RPS6KA3: variants seen among roughly 807,000 people sequenced by gnomAD.
RPS6KA3 encodes the protein ribosomal protein S6 kinase A3.
RPS6KA3 carries 4 observed loss-of-function variants against 67.2 expected under a neutral mutation model. The observed-to-expected ratio is 0.06, with a 90% CI of 0.03 to 0.14. The LOEUF is 0.14. Ranked by LOEUF, RPS6KA3 falls within the 10% of genes least tolerant of loss-of-function variation. The pLI is 1.00. For synonymous variants in RPS6KA3, 182 were observed against 183.7 expected (o/e 0.99, Z 0.07); for missense variants, 204 against 559.0 (o/e 0.36, Z 6.40).
chrX:20,237,041 T>G (rs1468975802), intron 1 of RPS6KA3, among the ~76,000 whole-genome samples: 1 of 111,817 alleles, frequency 8.9e-6, no homozygotes, highest in African/African-American at 3.2e-5. Flanking sequence ...AAATGAAGAT[T>G]GAAAAGTCTT....
At chrX:20,236,028 T>C (rs1244464023) in intron 1 of RPS6KA3, among the ~76,000 whole-genome samples, 4 of 111,239 alleles carry the variant, frequency 3.6e-5, no homozygotes, top group Admixed American at 9.6e-5. Flanking sequence ...AGAAAGACAG[T>C]CACATGTAAG....
At position 20,209,370 on chromosome X, in the gene RPS6KA3, T is replaced by C; in HGVS notation, c.161A>G (p.His54Arg). The change falls in exon 3 of 22, where the codon CAT (histidine) becomes CGT (arginine). Residue 54 changes from histidine to arginine, a missense_variant. By Grantham distance (29) the His-to-Arg change is conservative. Coordinates refer to ENST00000379565, the MANE Select transcript of RPS6KA3 (RefSeq NM_004586.3). ...CTTTTCATGTCCTTCCTTTACATGA[T>C]GTGTGATTGCAATTTCTTTGATACT... ...EVSIKEIAIT[H>R]HVKEGHEKAD... is the part of the protein sequence containing the mutation. The C allele has an allele frequency of 8.4e-7, 1 of 1,192,774 alleles. No individual in the cohort carries two copies. Among genetic ancestry groups the C allele is most frequent in the Non-Finnish European group, 1.1e-6 (1 of 878,296 alleles).
intron 4 of RPS6KA3, among the ~76,000 whole-genome samples, chrX:20,203,083 C>T (rs755993708): frequency 2.2e-4 from 25 of 111,313 alleles, no homozygotes; most frequent in African/African-American, 7.9e-4. Flanking sequence ...AATAAATGAT[C>T]ATTGCAAATA....
At chrX:20,231,967 T>C (rs1209655259) in intron 2 of RPS6KA3, among the ~76,000 whole-genome samples, 1 of 111,445 alleles carries the variant, frequency 9.0e-6, no homozygotes, top group East Asian at 2.8e-4. Context: ...AGGAAACTGA[T>C]ACAAGGGGTA....
intron 10 of RPS6KA3, among the ~76,000 whole-genome samples, chrX:20,183,268 CA>C (rs979229782): frequency 4.5e-5 from 5 of 110,706 alleles, no homozygotes; most frequent in African/African-American, 1.6e-4. Flanking sequence ...AGTGCAGTGG[CA>C]TGATCATGGC....
At chrX:20,164,411 G>C (rs1339489013) in intron 18 of RPS6KA3, among the ~76,000 whole-genome samples, 1 of 104,898 alleles carries the variant, frequency 9.5e-6, no homozygotes, top group African/African-American at 3.5e-5. Context: ...TTTTGAGAGG[G>C]GTTCTTGCTT....
chrX:20,175,583 C>T (rs927122268), intron 13 of RPS6KA3, among the ~76,000 whole-genome samples: 2 of 111,676 alleles, frequency 1.8e-5, no homozygotes, highest in Non-Finnish European at 1.9e-5. Flanking sequence ...TAATGCTGTC[C>T]CATGGAATTT....
At position 20,239,064 on chromosome X, in the gene RPS6KA3, T is replaced by C. The variant is rs370149633; in HGVS notation, c.70-4250A>G. ...TAAAAAACAAGTGGGAAAAAATGTG[T>C]TCTAAAGCTGGTCAGTACCACATTT... On this transcript the variant is annotated intron_variant, in intron 1 of 21. Coordinates refer to ENST00000379565, the MANE Select transcript of RPS6KA3 (RefSeq NM_004586.3). Among the ~76,000 whole-genome samples, 13 of 111,731 alleles carry C rather than the reference T, an allele frequency of 1.2e-4. No individual in the cohort carries two copies. In the East Asian group the frequency reaches 1.9e-3, roughly 17 times the overall value.
intron 20 of RPS6KA3, among the ~76,000 whole-genome samples, chrX:20,157,240 G>A (rs1409624467): frequency 8.9e-6 from 1 of 111,881 alleles, no homozygotes; most frequent in Non-Finnish European, 1.9e-5. Flanking sequence ...CATTTGTTAA[G>A]TATCCAGTAA....
chrX:20,232,581 A>T (rs1280200253), intron 2 of RPS6KA3, among the ~76,000 whole-genome samples: 3 of 111,591 alleles, frequency 2.7e-5, no homozygotes, highest in Middle Eastern at 4.6e-3. Flanking sequence ...CAAAAAACAA[A>T]CAAACAAACA....
At chrX:20,193,367 G>A (rs753171934) in intron 7 of RPS6KA3, 120 bp downstream of exon 7, 4 of 473,816 alleles carry the variant, frequency 8.4e-6, no homozygotes, top group Non-Finnish European at 1.5e-5. Flanking sequence ...TGTTAGCAGA[G>A]ATGTGAAGCA....
At chrX:20,163,188 G>A in intron 18 of RPS6KA3, 148 bp from the exon 19 acceptor site, 2 of 463,233 alleles carry the variant, frequency 4.3e-6, no homozygotes, top group South Asian at 3.2e-5. Flanking sequence ...ACGTTAATCC[G>A]ATTCTAGAAC....
intron 20 of RPS6KA3, among the ~76,000 whole-genome samples, chrX:20,160,196 CAT>C (rs1256089250): frequency 8.9e-6 from 1 of 112,064 alleles, no homozygotes; most frequent in Non-Finnish European, 1.9e-5. Context: ...TGTTACAGCA[CAT>C]GTGACACTGC....
intron 1 of RPS6KA3, among the ~76,000 whole-genome samples, chrX:20,236,521 T>A (rs1015423810): frequency 5.4e-5 from 6 of 110,164 alleles, no homozygotes; most frequent in African/African-American, 2.0e-4. Context: ...TTACCATCCA[T>A]CCATTCATTC....
At chrX:20,181,785 A>T (rs2067848802) in intron 10 of RPS6KA3, among the ~76,000 whole-genome samples, 1 of 111,288 alleles carries the variant, frequency 9.0e-6, no homozygotes, top group Non-Finnish European at 1.9e-5. Context: ...AGTGGTGGGG[A>T]TGAATGACAA....
intron 1 of RPS6KA3, among the ~76,000 whole-genome samples, chrX:20,248,540 C>T (rs1037698080): frequency 9.0e-6 from 1 of 111,183 alleles, no homozygotes; most frequent in Non-Finnish European, 1.9e-5. Context: ...AGTGCAGTGG[C>T]GTGATCTCTG....
chrX:20,166,267 T>C (rs115319932), intron 17 of RPS6KA3, among the ~76,000 whole-genome samples: 2,784 of 111,833 alleles, frequency 0.025, 92 homozygotes, highest in African/African-American at 0.086. Flanking sequence ...GTTCCTCACA[T>C]CCAGGACATC....
intron 10 of RPS6KA3, among the ~76,000 whole-genome samples, chrX:20,178,383 A>T (rs1222752242): frequency 9.0e-6 from 1 of 111,119 alleles, no homozygotes; most frequent in African/African-American, 3.3e-5. Flanking sequence ...TGACCCAATG[A>T]GCTTGTAGAA....
chrX:20,207,616 G>A, intron 3 of RPS6KA3, among the ~76,000 whole-genome samples: 1 of 111,633 alleles, frequency 9.0e-6, no homozygotes, highest in Admixed American at 9.5e-5. Flanking sequence ...AATATTTAAT[G>A]ACTGGCTAGA....
Sources: allele counts gnomAD v4.1 joint callset (sites outside exome capture counted in the v4.1 genomes callset), GRCh38; gene constraint gnomAD v4.1.1; transcripts MANE v1.5; gene names NCBI Gene and HGNC (gene_info 2026-07-23, HGNC 2026-07-21).